The following DPYD variants were observed in gnomAD, a reference collection of about 807,000 sequenced individuals.
The protein encoded by DPYD is dihydropyrimidine dehydrogenase, also known as dihydropyrimidine dehydrogenase [NADP(+)].
DPYD carries 109 observed loss-of-function variants against 116.2 expected under a neutral mutation model. The observed-to-expected ratio is 0.94, with a 90% CI of 0.80 to 1.10. The LOEUF is 1.10. DPYD is among the 50% of genes least tolerant of loss of function. The pLI, the probability that DPYD is intolerant of heterozygous loss-of-function variation, is 0.00. For synonymous variants in DPYD, 440 were observed against 432.0 expected, an observed-to-expected ratio of 1.02 and a Z score of -0.23; for missense variants, 1,302 against 1,254.5, an observed-to-expected ratio of 1.04 and a Z score of -0.57.
intron 4 of DPYD, among the ~76,000 whole-genome samples, chr1:97,721,890 A>G (rs1030835501): frequency 1.3e-5 from 2 of 150,674 alleles, no homozygotes; most frequent in East Asian, 1.9e-4. Flanking sequence ...TGATAAATGA[A>G]TAACTAATCA....
intron 4 of DPYD, among the ~76,000 whole-genome samples, chr1:97,730,807 A>C (rs933361157): frequency 3.3e-5 from 5 of 152,026 alleles, no homozygotes; most frequent in Admixed American, 6.6e-5. Context: ...TTTGCTTCAA[A>C]GAGGATACTT....
chr1:97,643,465 G>T (rs1046336205), intron 8 of DPYD, among the ~76,000 whole-genome samples: 1 of 152,146 alleles, frequency 6.6e-6, no homozygotes, highest in Non-Finnish European at 1.5e-5. Context: ...GGAGAAATAG[G>T]AACACTTTTA....
At chr1:97,175,243 A>G (rs934568077) in intron 20 of DPYD, among the ~76,000 whole-genome samples, 2 of 149,544 alleles carry the variant, frequency 1.3e-5, no homozygotes, top group African/African-American at 5.1e-5. Context: ...GGGGGTGTGA[A>G]GTAATATCTC....
At chr1:97,456,200 C>G (rs1676676027) in intron 13 of DPYD, among the ~76,000 whole-genome samples, 1 of 150,270 alleles carries the variant, frequency 6.7e-6, no homozygotes, top group African/African-American at 2.5e-5. Context: ...TGTTAGTGAC[C>G]TCTTAACATT....
intron 8 of DPYD, among the ~76,000 whole-genome samples, chr1:97,673,440 C>T (rs1050395391): frequency 6.6e-6 from 1 of 151,952 alleles, no homozygotes; most frequent in Non-Finnish European, 1.5e-5. Flanking sequence ...CTTTGTTAAG[C>T]AACCTATAAA....
intron 18 of DPYD, among the ~76,000 whole-genome samples, chr1:97,277,848 A>G: frequency 6.6e-6 from 1 of 152,202 alleles, no homozygotes; most frequent in East Asian, 1.9e-4. Flanking sequence ...CAATTAGAAT[A>G]AATCCCAAAA....
rs12027570 is a variant in DPYD, at chr1:97,566,447, G to A, written c.1339+7313C>T. On this transcript the variant is annotated intron_variant, in intron 11 of 22. Transcript: ENST00000370192. ...TGTATTGTATCCAGTGTATTATACC[G>A]GACTGATTACTTTAGTTCTTAATGT... Among the ~76,000 whole-genome samples, 8 of 152,020 alleles carry A rather than the reference G, an allele frequency of 5.3e-5. No individual in the cohort carries two copies. In the South Asian group the frequency reaches 6.2e-4, roughly 12 times the overall value.
intron 21 of DPYD, among the ~76,000 whole-genome samples, chr1:97,091,054 T>C (rs1198011145): frequency 6.6e-6 from 1 of 152,226 alleles, no homozygotes; most frequent in Non-Finnish European, 1.5e-5. Flanking sequence ...AGAAATATTA[T>C]TGTTGCATTC....
intron 14 of DPYD, among the ~76,000 whole-genome samples, chr1:97,422,450 T>C (rs796329365): frequency 3.1e-4 from 47 of 152,302 alleles, no homozygotes; most frequent in South Asian, 1.0e-3. Flanking sequence ...CTAGAGATTG[T>C]AGTAGACTGA....
chr1:97,176,018 C>G (rs926521170), intron 20 of DPYD, among the ~76,000 whole-genome samples: 1 of 152,132 alleles, frequency 6.6e-6, no homozygotes, highest in Non-Finnish European at 1.5e-5. Flanking sequence ...CAGATGTTCT[C>G]TCGGCAATCC....
intron 3 of DPYD, among the ~76,000 whole-genome samples, chr1:97,751,460 G>GTGTGTATGTATATATA (rs763260651): frequency 4.7e-5 from 1 of 21,290 alleles, no homozygotes; most frequent in Non-Finnish European, 8.1e-5. Flanking sequence ...GTGTGTGTGT[G>GTGTGTATGTATATATA]TATATATATA....
intron 16 of DPYD, among the ~76,000 whole-genome samples, chr1:97,313,907 T>C (rs1016410941): frequency 1.3e-5 from 2 of 151,994 alleles, no homozygotes; most frequent in Non-Finnish European, 2.9e-5. Context: ...AAGAGCCTGG[T>C]ACATGAAAGA....
intron 2 of DPYD, among the ~76,000 whole-genome samples, chr1:97,861,413 A>G (rs1037096500): frequency 6.6e-6 from 1 of 151,984 alleles, no homozygotes; most frequent in African/African-American, 2.4e-5. Flanking sequence ...CTGTAAAATA[A>G]AAGGGTGATA....
chr1:97,406,295 TATTA>T (rs1673654155), intron 14 of DPYD, among the ~76,000 whole-genome samples: 1 of 147,890 alleles, frequency 6.8e-6, no homozygotes, highest in Non-Finnish European at 1.5e-5. Flanking sequence ...TTTTTAAAAT[TATTA>T]ATTTATTTTT....
chr1:97,535,441 T>C (rs1649923009), intron 12 of DPYD, among the ~76,000 whole-genome samples: 1 of 152,132 alleles, frequency 6.6e-6, no homozygotes, highest in Admixed American at 6.6e-5. Context: ...AGTGGTTAAT[T>C]TCCTTAATAC....
intron 3 of DPYD, among the ~76,000 whole-genome samples, chr1:97,745,893 A>G (rs962999054): frequency 6.6e-6 from 1 of 152,074 alleles, no homozygotes; most frequent in Non-Finnish European, 1.5e-5. Flanking sequence ...TCTTGATGAC[A>G]TCAGTGCCTC....
At chr1:97,364,652 A>G (rs1670929727) in intron 16 of DPYD, among the ~76,000 whole-genome samples, 1 of 152,174 alleles carries the variant, frequency 6.6e-6, no homozygotes, top group African/African-American at 2.4e-5. Flanking sequence ...TCTCTGCAAT[A>G]TAAACAATGT....
chr1:97,386,876 A>G (rs1038293464), intron 14 of DPYD, among the ~76,000 whole-genome samples: 1 of 152,160 alleles, frequency 6.6e-6, no homozygotes, highest in South Asian at 2.1e-4. Flanking sequence ...GACACTGGAC[A>G]TAATTTAATA....
intron 2 of DPYD, 88 bp from the exon 3 acceptor site, chr1:97,828,284 A>G (rs1449151484): frequency 8.2e-7 from 1 of 1,226,906 alleles, no homozygotes; most frequent in Non-Finnish European, 1.2e-6. Context: ...AATTGATTAT[A>G]TTGATCATGG....
Sources: allele counts gnomAD v4.1 joint callset (sites outside exome capture counted in the v4.1 genomes callset), GRCh38; gene constraint gnomAD v4.1.1; transcripts MANE v1.5; gene names NCBI Gene and HGNC (gene_info 2026-07-23, HGNC 2026-07-21).